Variants in GNAQ observed in about 807,000 individuals in gnomAD.
GNAQ encodes guanine nucleotide-binding protein G(q) subunit alpha.
A neutral mutation model predicts 43.9 loss-of-function variants in GNAQ; 8 were observed. The observed-to-expected ratio is 0.18, with a 90% CI of 0.11 to 0.33. The LOEUF is 0.33. GNAQ is among the 10% of genes least tolerant of loss of function. The pLI is 1.00. For synonymous variants in GNAQ, 155 were observed against 170.7 expected (o/e 0.91, Z 0.71); for missense variants, 158 against 450.8 (o/e 0.35, Z 5.88).
intron 1 of GNAQ, among the ~76,000 whole-genome samples, chr9:78,002,142 A>T (rs780918291): frequency 7.2e-5 from 11 of 152,152 alleles, no homozygotes; most frequent in Non-Finnish European, 1.3e-4. Flanking sequence ...ATTCCACATA[A>T]TATTATTCAG....
chr9:77,808,047 A>G (rs961846609), intron 3 of GNAQ, among the ~76,000 whole-genome samples: 13 of 152,276 alleles, frequency 8.5e-5, no homozygotes, highest in African/African-American at 2.6e-4. Flanking sequence ...CATCATCCTG[A>G]GTAAAGACTG....
intron 1 of GNAQ, among the ~76,000 whole-genome samples, chr9:77,987,360 C>T (rs970010296): frequency 7.2e-5 from 11 of 152,022 alleles, no homozygotes; most frequent in African/African-American, 1.4e-4. Context: ...AAAATCCTTG[C>T]GGTTGAGAAT....
rs963701112 is a variant in GNAQ at position 77,906,979 on chromosome 9, T to TAAAA, written c.321+15181_321+15182insTTTT. On this transcript the variant is annotated intron_variant, in intron 2 of 6. Coordinates refer to ENST00000286548, the MANE Select transcript of GNAQ (RefSeq NM_002072.5). ...ACAAGTGATTTTTTCCTTCTTCTTT[T>TAAAA]GCTTTTCTATGTTATCTGAATTTTT... 5.9e-5 allele frequency among the ~76,000 whole-genome samples: 9 copies of TAAAA among 152,338 alleles called. No individual in the cohort carries two copies. The South Asian group carries it at 1.2e-3, about 21-fold the overall frequency.
At chr9:77,978,696 T>C (rs1564168742) in intron 1 of GNAQ, among the ~76,000 whole-genome samples, 1 of 152,176 alleles carries the variant, frequency 6.6e-6, no homozygotes, top group Non-Finnish European at 1.5e-5. Context: ...CTGAGTCAAA[T>C]GGGTTCTCTT....
intron 1 of GNAQ, among the ~76,000 whole-genome samples, chr9:77,924,781 A>G (rs1829044468): frequency 6.6e-6 from 1 of 152,150 alleles, no homozygotes; most frequent in Non-Finnish European, 1.5e-5. Context: ...AAGAAAAAAC[A>G]ATAAAAGTAT....
intron 5 of GNAQ, among the ~76,000 whole-genome samples, chr9:77,750,047 T>A (rs1825789169): frequency 6.6e-6 from 1 of 152,162 alleles, no homozygotes; most frequent in East Asian, 1.9e-4. Flanking sequence ...AATGAATATA[T>A]AGTTTTGAAA....
At position 77,837,676 on chromosome 9, in the gene GNAQ, T is replaced by C. The variant is rs534878963; in HGVS notation, c.322-21906A>G. 1.1e-4 allele frequency among the ~76,000 whole-genome samples: 17 copies of C among 152,014 alleles called. No individual in the cohort carries two copies. The South Asian group carries it at 3.5e-3, about 32-fold the overall frequency. On this transcript the variant is annotated intron_variant, in intron 2 of 6. Coordinates refer to ENST00000286548, the MANE Select transcript of GNAQ (RefSeq NM_002072.5). ...ATTCTAAAAAAAAAATCAAAATGAC[T>C]TCTAAATATATTGGCATGAAAAGAT... is the stretch of plus-strand genomic sequence containing the variant.
chr9:77,914,704 G>A (rs936089617), intron 2 of GNAQ, among the ~76,000 whole-genome samples: 8 of 151,584 alleles, frequency 5.3e-5, no homozygotes, highest in South Asian at 2.1e-4. Context: ...AAGATTTATA[G>A]AAGCAGGAGT....
intron 2 of GNAQ, among the ~76,000 whole-genome samples, chr9:77,821,733 G>GTC (rs1698855440): frequency 6.1e-5 from 9 of 146,934 alleles, no homozygotes; most frequent in Non-Finnish European, 1.3e-4. Flanking sequence ...GGGTGTGTGT[G>GTC]TGTGTGTGTG....
chr9:77,939,154 C>T (rs1243816887), intron 1 of GNAQ, among the ~76,000 whole-genome samples: 1 of 152,172 alleles, frequency 6.6e-6, no homozygotes, highest in Non-Finnish European at 1.5e-5. Context: ...GTCCCCATGA[C>T]CTTCCTAAGG....
At chr9:77,766,142 A>G (rs758372660) in intron 5 of GNAQ, among the ~76,000 whole-genome samples, 8 of 152,222 alleles carry the variant, frequency 5.3e-5, no homozygotes, top group Non-Finnish European at 1.0e-4. Context: ...CCATGTAGTG[A>G]TACCTGCACA....
chr9:77,918,719 A>G (rs148799968), intron 2 of GNAQ, among the ~76,000 whole-genome samples: 8 of 152,016 alleles, frequency 5.3e-5, no homozygotes, highest in South Asian at 2.1e-4. Flanking sequence ...CTTCTCCCCA[A>G]TGTGCCCCTC....
At chr9:77,972,383 T>A (rs920556953) in intron 1 of GNAQ, among the ~76,000 whole-genome samples, 4 of 151,830 alleles carry the variant, frequency 2.6e-5, no homozygotes, top group African/African-American at 9.7e-5. Flanking sequence ...TAACAGAGAA[T>A]AAAATTAAAA....
In GNAQ at chr9:77,825,677, A is replaced by G. The variant is rs189523085; in HGVS notation, c.322-9907T>C. ...AAGTGAGAAGTCTGTTTAACTGCAA[A>G]GGCAGAATCTAGAAATACAAAGTGA... On this transcript the variant is annotated intron_variant, in intron 2 of 6. Coordinates refer to ENST00000286548, the MANE Select transcript of GNAQ (RefSeq NM_002072.5). Among the ~76,000 whole-genome samples the G allele has an allele frequency of 1.6e-4, 25 of 152,366 alleles. No individual in the cohort carries two copies. The East Asian group carries it at 4.0e-3, about 25-fold the overall frequency.
At chr9:77,905,208 C>T (rs769157361) in intron 2 of GNAQ, among the ~76,000 whole-genome samples, 1 of 152,152 alleles carries the variant, frequency 6.6e-6, no homozygotes, top group Non-Finnish European at 1.5e-5. Flanking sequence ...TTAAAAGATT[C>T]ATAACATTAC....
intron 1 of GNAQ, among the ~76,000 whole-genome samples, chr9:77,957,450 C>T (rs1012360989): frequency 6.6e-6 from 1 of 152,142 alleles, no homozygotes; most frequent in Non-Finnish European, 1.5e-5. Flanking sequence ...TTGCCCCTAT[C>T]CCTGGAGGCA....
At chr9:77,853,228 G>A (rs1827698190) in intron 2 of GNAQ, among the ~76,000 whole-genome samples, 1 of 152,054 alleles carries the variant, frequency 6.6e-6, no homozygotes, top group South Asian at 2.1e-4. Flanking sequence ...TCAAGAGTCA[G>A]CTCTGAGCTG....
At chr9:77,801,599 A>G (rs1826743556) in intron 3 of GNAQ, among the ~76,000 whole-genome samples, 1 of 152,180 alleles carries the variant, frequency 6.6e-6, no homozygotes, top group African/African-American at 2.4e-5. Context: ...AATAGAGAGA[A>G]AGGCTCACTT....
At chr9:77,749,088 T>A (rs1289803153) in intron 5 of GNAQ, among the ~76,000 whole-genome samples, 1 of 152,238 alleles carries the variant, frequency 6.6e-6, no homozygotes, top group East Asian at 1.9e-4. Context: ...CTGCCCCATG[T>A]TCTCGACCTT....
Sources: allele counts gnomAD v4.1 joint callset (sites outside exome capture counted in the v4.1 genomes callset), GRCh38; gene constraint gnomAD v4.1.1; transcripts MANE v1.5; gene names NCBI Gene and HGNC (gene_info 2026-07-23, HGNC 2026-07-21).